The following PPP2R2C variants were observed in gnomAD, a reference collection of about 807,000 sequenced individuals.
PPP2R2C encodes protein phosphatase 2 regulatory subunit Bgamma.
PPP2R2C carries 10 observed loss-of-function variants against 45.3 expected under a neutral mutation model. The observed-to-expected ratio is 0.22, with a 90% CI of 0.14 to 0.37. The LOEUF is 0.37. Among genes scored for constraint, PPP2R2C ranks in the 10% least tolerant of loss-of-function variants. PPP2R2C has a pLI of 1.00. For missense variants in PPP2R2C, 308 were observed against 619.7 expected (o/e 0.50, Z 5.34); for synonymous variants, 257 against 245.4 (o/e 1.05, Z -0.44).
intron 2 of PPP2R2C, among the ~76,000 whole-genome samples, chr4:6,504,963 G>A (rs1723173900): frequency 6.6e-6 from 1 of 151,812 alleles, no homozygotes; most frequent in South Asian, 2.1e-4. Flanking sequence ...CTCAAGCAGG[G>A]AAAAAAACAC....
chr4:6,375,377 G>A (rs982777901), intron 4 of PPP2R2C, among the ~76,000 whole-genome samples: 5 of 152,116 alleles, frequency 3.3e-5, no homozygotes, highest in African/African-American at 9.7e-5. Context: ...GGCCTCACAC[G>A]GTCCAGGCTT....
At chr4:6,403,661 A>C (rs1717595846) in intron 1 of PPP2R2C, among the ~76,000 whole-genome samples, 1 of 152,116 alleles carries the variant, frequency 6.6e-6, no homozygotes, top group Non-Finnish European at 1.5e-5. Context: ...TCAGGAGTTC[A>C]AGACCAGCCT....
chr4:6,482,853 G>A (rs1722402689), intron 2 of PPP2R2C, among the ~76,000 whole-genome samples: 1 of 152,116 alleles, frequency 6.6e-6, no homozygotes. Context: ...ATCAGGTTTT[G>A]ATAGATGCCC....
At chr4:6,558,908 A>T (rs1229941508) in intron 1 of PPP2R2C, among the ~76,000 whole-genome samples, 2 of 151,828 alleles carry the variant, frequency 1.3e-5, no homozygotes, top group Non-Finnish European at 2.9e-5. Flanking sequence ...TTTTTTTCTG[A>T]CCTTGCACCC....
intron 1 of PPP2R2C, among the ~76,000 whole-genome samples, chr4:6,386,768 G>A (rs1214446749): frequency 6.6e-6 from 1 of 152,174 alleles, no homozygotes; most frequent in East Asian, 1.9e-4. Context: ...CACCTGAAAT[G>A]TGCTGGCCGC....
At chr4:6,397,387 T>C (rs967437954) in intron 1 of PPP2R2C, among the ~76,000 whole-genome samples, 1 of 152,206 alleles carries the variant, frequency 6.6e-6, no homozygotes, top group African/African-American at 2.4e-5. Flanking sequence ...TATTGTTGCC[T>C]GGGAAGAAAC....
chr4:6,544,004 A>G (rs1412185208), intron 1 of PPP2R2C, among the ~76,000 whole-genome samples: 1 of 152,200 alleles, frequency 6.6e-6, no homozygotes, highest in African/African-American at 2.4e-5. Flanking sequence ...AAGACGCTCA[A>G]GTCCCCAGAG....
In PPP2R2C at chr4:6,345,955, G is replaced by A. The variant is rs1711861832; in HGVS notation, c.790+1891C>T. On this transcript the variant is annotated intron_variant, in intron 6 of 8. Coordinates refer to ENST00000382599, the MANE Select transcript of PPP2R2C (RefSeq NM_020416.4). The surrounding 1 kb of genome is among the most constrained non-coding windows in gnomAD (Gnocchi z 5.3). ...CCTTGGAACCCAATACGGGCCTCAG[G>A]CTCGCGGGTCTGAAACCTGCCTGCT... Among the ~76,000 whole-genome samples the A allele has an allele frequency of 6.6e-6, 1 of 152,092 alleles. No individual in the cohort carries two copies. Among genetic ancestry groups the A allele is most frequent in the African/African-American group, 2.4e-5 (1 of 41,406 alleles).
Position 6,329,226 on chromosome 4 carries a change from C to A in PPP2R2C, c.1052+36G>T. ...CCCTGCAGGGCAGAAACCCTCCCTA[C>A]GGTGAGGTGAGGTGCGGGCTGAGGT... On this transcript the variant is annotated intron_variant, in intron 8 of 8. Transcript: ENST00000382599. The surrounding 1 kb of genome is among the most constrained non-coding windows in gnomAD (Gnocchi z 5.8). 1 of 1,581,604 alleles carries A rather than the reference C, an allele frequency of 6.3e-7. No individual in the cohort carries two copies. The highest frequency in any genetic ancestry group is 8.7e-7 in the Non-Finnish European group (1 of 1,151,636).
At chr4:6,510,022 A>G (rs949136167) in intron 2 of PPP2R2C, among the ~76,000 whole-genome samples, 3 of 152,156 alleles carry the variant, frequency 2.0e-5, no homozygotes, top group Non-Finnish European at 4.4e-5. Flanking sequence ...AGCCACCACC[A>G]TAGTCAGGCC....
chr4:6,489,224 A>T (rs1296535262), intron 2 of PPP2R2C, among the ~76,000 whole-genome samples: 2 of 152,178 alleles, frequency 1.3e-5, no homozygotes, highest in Non-Finnish European at 2.9e-5. Context: ...TCATTCAATG[A>T]TCACTTTCAT....
At chr4:6,551,181 C>T (rs970756821) in intron 1 of PPP2R2C, among the ~76,000 whole-genome samples, 9 of 152,216 alleles carry the variant, frequency 5.9e-5, no homozygotes, top group African/African-American at 2.2e-4. Flanking sequence ...AAGAAACATA[C>T]CTGCCTTCCA....
chr4:6,531,492 C>T (rs374927887), intron 2 of PPP2R2C, among the ~76,000 whole-genome samples: 2 of 152,156 alleles, frequency 1.3e-5, no homozygotes, highest in Non-Finnish European at 2.9e-5. Flanking sequence ...CAGATAACGC[C>T]CCTCCAAGGG....
intron 1 of PPP2R2C, chr4:6,413,996 A>G: frequency 6.5e-7 from 1 of 1,535,082 alleles, no homozygotes; most frequent in Admixed American, 2.0e-5. Context: ...CCATGTTGCC[A>G]GTCAATGGCC....
chr4:6,373,225 G>C (rs866155407), intron 4 of PPP2R2C, among the ~76,000 whole-genome samples: 1 of 152,214 alleles, frequency 6.6e-6, no homozygotes, highest in African/African-American at 2.4e-5. Flanking sequence ...TAGGGACTGA[G>C]ACTCATGGGA....
chr4:6,472,193 T>C lies in PPP2R2C; in HGVS notation c.37A>G (p.Ser13Gly). The C allele has an allele frequency of 6.2e-7, 1 of 1,613,342 alleles. No individual in the cohort carries two copies. Among genetic ancestry groups the C allele is most frequent in the Non-Finnish European group, 8.5e-7 (1 of 1,179,508 alleles). The change falls in exon 1 of 9, where the codon AGC becomes GGC. Residue 13 changes from serine to glycine, a missense_variant. By Grantham distance (56) the Ser-to-Gly change is moderately conservative. Coordinates refer to ENST00000382599, the MANE Select transcript of PPP2R2C (RefSeq NM_020416.4). ...EDTDTRKINHSFLRDHSYVTE... is the reference protein window; with the variant it reads ...EDTDTRKINHGFLRDHSYVTE... ...ACATAGCTGTGGTCCCGCAGGAAGC[T>C]GTGGTTAATTTTCCGCGTGTCCGTG...
At chr4:6,464,110 AAAT>A (rs1158823377) in intron 1 of PPP2R2C, among the ~76,000 whole-genome samples, 3 of 152,216 alleles carry the variant, frequency 2.0e-5, no homozygotes, top group Non-Finnish European at 4.4e-5. Context: ...CTCCTCTGTA[AAAT>A]GGGGAAATAA....
At chr4:6,449,296 T>C (rs978589032) in intron 1 of PPP2R2C, among the ~76,000 whole-genome samples, 2 of 152,246 alleles carry the variant, frequency 1.3e-5, no homozygotes, top group Admixed American at 6.5e-5. Context: ...AACCGTGTTC[T>C]GTCCCAACAA....
chr4:6,332,939 G>T lies in PPP2R2C; in HGVS notation c.960+623C>A, dbSNP rs1732530162. On this transcript the variant is annotated intron_variant, in intron 7 of 8. Transcript: ENST00000382599. The surrounding 1 kb of genome is among the most constrained non-coding windows in gnomAD (Gnocchi z 4.9). ...CCACCTAACTGGAACCAGCTTTGAAGCCATCCCACATTTCTTTCAAGTCCA... is the reference window on the plus strand; with the variant it reads ...CCACCTAACTGGAACCAGCTTTGAATCCATCCCACATTTCTTTCAAGTCCA... Among the ~76,000 whole-genome samples the T allele has an allele frequency of 6.6e-6, 1 of 152,174 alleles. No individual in the cohort carries two copies. The highest frequency in any genetic ancestry group is 2.4e-5 in the African/African-American group (1 of 41,448).
Sources: gnomAD v4.1 joint callset for allele counts (sites outside exome capture counted in the v4.1 genomes callset) on GRCh38, gnomAD v4.1.1 for gene constraint, Gnocchi (gnomAD v3.1) non-coding constraint, MANE v1.5 for transcripts, NCBI Gene and HGNC (gene_info 2026-07-23, HGNC 2026-07-21) for gene names.